The following TULP4 variants were observed in gnomAD, a reference collection of about 807,000 sequenced individuals.
The protein encoded by TULP4 is tubby-related protein 4.
A neutral mutation model predicts 129.0 loss-of-function variants in TULP4; 16 were observed. The ratio of observed to expected loss-of-function variants is 0.12; its 90% confidence interval spans 0.08 to 0.19. The LOEUF is 0.19. Among genes scored for constraint, TULP4 ranks in the 10% least tolerant of loss-of-function variants. TULP4 has a pLI of 1.00. For synonymous variants in TULP4, 998 were observed against 854.0 expected, an observed-to-expected ratio of 1.17 and a Z score of -2.94; for missense variants, 1,842 against 2,059.1, an observed-to-expected ratio of 0.89 and a Z score of 2.04.
chr6:158,451,536 T>A (rs1252206663), intron 4 of TULP4, among the ~76,000 whole-genome samples: 1 of 152,234 alleles, frequency 6.6e-6, no homozygotes, highest in African/African-American at 2.4e-5. Context: ...CCTTCCTTAA[T>A]GTCTGCATGA....
chr6:158,345,204 A>G (rs1159399836), intron 1 of TULP4, among the ~76,000 whole-genome samples: 1 of 152,202 alleles, frequency 6.6e-6, no homozygotes, highest in Non-Finnish European at 1.5e-5. Context: ...GGTGAATGCA[A>G]TGGTGCAATC....
At chr6:158,436,804 T>TAGTAGG (rs1351257202) in intron 3 of TULP4, among the ~76,000 whole-genome samples, 1 of 152,244 alleles carries the variant, frequency 6.6e-6, no homozygotes, top group African/African-American at 2.4e-5. Flanking sequence ...TTTTCAGGTC[T>TAGTAGG]TGGCACATGC....
At chr6:158,469,576 A>G (rs1779627445) in intron 6 of TULP4, among the ~76,000 whole-genome samples, 1 of 151,930 alleles carries the variant, frequency 6.6e-6, no homozygotes, top group African/African-American at 2.4e-5. Context: ...CACCTGGCCA[A>G]AAGCAGACCA....
intron 2 of TULP4, among the ~76,000 whole-genome samples, chr6:158,414,078 T>G (rs932360739): frequency 2.0e-5 from 3 of 152,252 alleles, no homozygotes; most frequent in Non-Finnish European, 4.4e-5. Context: ...GACATAAAAT[T>G]ACAATGAATG....
intron 1 of TULP4, chr6:158,238,328 C>T (rs138560253): frequency 4.1e-4 from 348 of 847,132 alleles, no homozygotes; most frequent in African/African-American, 3.4e-3. Flanking sequence ...GAGAGATGCT[C>T]GGGACTTTGG....
intron 1 of TULP4, among the ~76,000 whole-genome samples, chr6:158,409,441 C>T (rs1419186964): frequency 2.0e-5 from 3 of 152,158 alleles, no homozygotes; most frequent in Non-Finnish European, 4.4e-5. Context: ...TGCTGAGAGT[C>T]AACGAGAGTC....
chr6:158,451,124 G>A (rs1204433417), intron 4 of TULP4, among the ~76,000 whole-genome samples: 1 of 152,078 alleles, frequency 6.6e-6, no homozygotes, highest in Non-Finnish European at 1.5e-5. Context: ...AGGACTCAGA[G>A]ACCAAGTTTA....
rs1778998977 is a variant in TULP4, at chr6:158,444,917, T to TC, written c.544-4077dup. ...GCCTCCAACTCCTGGGCTCCAGTGA[T>TC]CCTCCCGCCTCAGCCTCCCCAGGAG... On this transcript the variant is annotated intron_variant, in intron 3 of 13. Coordinates refer to ENST00000367097, the MANE Select transcript of TULP4 (RefSeq NM_020245.5). Among the ~76,000 whole-genome samples, 3 of 152,262 alleles carry TC rather than the reference T, an allele frequency of 2.0e-5. No individual in the cohort carries two copies. The South Asian group carries it at 6.2e-4, about 32-fold the overall frequency.
At chr6:158,260,824 CT>C (rs1204254398) in intron 1 of TULP4, among the ~76,000 whole-genome samples, 85 of 64,080 alleles carry the variant, frequency 1.3e-3, no homozygotes, top group Admixed American at 1.7e-3. Flanking sequence ...CTTTTCTTTT[CT>C]TTTTTTTTTT....
chr6:158,370,844 T>A (rs1777055343), intron 1 of TULP4, among the ~76,000 whole-genome samples: 1 of 152,190 alleles, frequency 6.6e-6, no homozygotes, highest in Non-Finnish European at 1.5e-5. Flanking sequence ...GCTCTGACAT[T>A]AGGCAGTTTA....
Position 158,511,211 on chromosome 6 carries a change from T to C in TULP4, c.*4517T>C, listed in dbSNP as rs566202415. The C allele has an allele frequency of 4.6e-5, 7 of 152,662 alleles. No homozygotes were observed. Among genetic ancestry groups the C allele is most frequent in the East Asian group, 3.8e-4 (2 of 5,200 alleles). 9.5% of individuals were successfully genotyped at this position (152,662 alleles called of 1,614,324 possible). A position where few individuals can be genotyped will look rare whatever the true frequency, so the allele number is the denominator to read the frequency against. On this transcript the variant is annotated 3_prime_UTR_variant, in exon 14 of 14. Coordinates refer to ENST00000367097, the MANE Select transcript of TULP4 (RefSeq NM_020245.5). ...TAGGGTTCTAAGATCTTGTTGTTTA[T>C]TGTAGATAAAAATTTTTTCGTGTTG... is the stretch of plus-strand genomic sequence containing the variant.
chr6:158,487,619 G>A (rs1457070104), intron 8 of TULP4, among the ~76,000 whole-genome samples: 1 of 152,222 alleles, frequency 6.6e-6, no homozygotes, highest in Non-Finnish European at 1.5e-5. Context: ...ATGATAAATT[G>A]ATGACACAGA....
At chr6:158,415,173 C>A (rs1164431694) in intron 2 of TULP4, among the ~76,000 whole-genome samples, 1 of 152,176 alleles carries the variant, frequency 6.6e-6, no homozygotes, top group Non-Finnish European at 1.5e-5. Flanking sequence ...AGTGACACTG[C>A]AGCATGACAC....
At chr6:158,236,120 G>C (rs1216032201) in intron 1 of TULP4, among the ~76,000 whole-genome samples, 1 of 152,140 alleles carries the variant, frequency 6.6e-6, no homozygotes, top group Admixed American at 6.5e-5. Flanking sequence ...TCATTTATAG[G>C]GCTCCTTTAA....
At position 158,238,041 on chromosome 6, in the gene TULP4, A is replaced by G. The variant is rs888849943; in HGVS notation, n.68+5738A>G. On this transcript the variant is annotated intron_variant and non_coding_transcript_variant, in intron 1 of 1. Coordinates refer to the TULP4 transcript ENST00000620026. ...GCTGATGGTTTTGATACCACCAGAT[A>G]GCTTGTGTGAAGACATCAGTGGTAC... 76 of 703,456 alleles carry G rather than the reference A, an allele frequency of 1.1e-4. 1 individual carries two copies. The highest frequency in any genetic ancestry group is 1.1e-3 in the Middle Eastern group (3 of 2,822). 43.6% of individuals were successfully genotyped at this position (703,456 alleles called of 1,614,324 possible).
intron 6 of TULP4, among the ~76,000 whole-genome samples, chr6:158,462,595 G>C (rs2779079): frequency 6.6e-6 from 1 of 151,076 alleles, no homozygotes; most frequent in Admixed American, 6.6e-5. Flanking sequence ...GGATGGTCTC[G>C]ATCTCCTGAC....
chr6:158,497,171 T>C (rs953764920), intron 11 of TULP4, among the ~76,000 whole-genome samples: 1 of 152,244 alleles, frequency 6.6e-6, no homozygotes, highest in Non-Finnish European at 1.5e-5. Context: ...TTAAAAATAG[T>C]ATTTTGATCC....
intron 1 of TULP4, among the ~76,000 whole-genome samples, chr6:158,370,300 T>C (rs909304697): frequency 2.0e-5 from 3 of 149,126 alleles, no homozygotes; most frequent in East Asian, 2.0e-4. Flanking sequence ...CTACTAAAAA[T>C]ACAAAAATTA....
At chr6:158,246,023 G>GGTGTGT (rs66690741) in intron 1 of TULP4, among the ~76,000 whole-genome samples, 2,074 of 145,894 alleles carry the variant, frequency 0.014, 35 homozygotes, top group African/African-American at 0.033. Flanking sequence ...ACCCCTTAGG[G>GGTGTGT]GTGTGTGTGT....
Sources: gnomAD v4.1 joint callset for allele counts (sites outside exome capture counted in the v4.1 genomes callset) on GRCh38, gnomAD v4.1.1 for gene constraint, MANE v1.5 for transcripts, NCBI Gene and HGNC (gene_info 2026-07-23, HGNC 2026-07-21) for gene names.